Variants in TMTC2 observed in about 807,000 individuals in gnomAD.
TMTC2 encodes protein O-mannosyl-transferase TMTC2.
Under a neutral mutation model 82.4 loss-of-function variants are expected in TMTC2, and 43 were observed. The ratio of observed to expected loss-of-function variants is 0.52; its 90% CI spans 0.41 to 0.67. The LOEUF (loss-of-function observed/expected upper bound fraction) is 0.67. TMTC2 is among the 30% of genes least tolerant of loss of function. The probability of loss-of-function intolerance (pLI) is 0.00; values close to 1 mark genes in which losing one functional copy is unlikely to be tolerated. For synonymous variants in TMTC2, 408 were observed against 381.9 expected (o/e 1.07, Z -0.80); for missense variants, 919 against 1,012.4 (o/e 0.91, Z 1.25).
At chr12:82,761,716 G>A (rs1876643194) in intron 1 of TMTC2, among the ~76,000 whole-genome samples, 1 of 152,050 alleles carries the variant, frequency 6.6e-6, no homozygotes, top group African/African-American at 2.4e-5. Context: ...ATTAATGCTA[G>A]TGCTGTGTAC....
At chr12:83,055,755 T>C (rs1043525373) in intron 10 of TMTC2, among the ~76,000 whole-genome samples, 1 of 151,526 alleles carries the variant, frequency 6.6e-6, no homozygotes, top group East Asian at 1.9e-4. Flanking sequence ...TTTAATCTAC[T>C]TACAGGGTAA....
At chr12:82,778,586 A>C (rs986006892) in intron 1 of TMTC2, among the ~76,000 whole-genome samples, 4 of 152,062 alleles carry the variant, frequency 2.6e-5, no homozygotes, top group African/African-American at 9.7e-5. Flanking sequence ...GCAGTGGCTA[A>C]CGCCTGTAAT....
intron 7 of TMTC2, among the ~76,000 whole-genome samples, chr12:82,968,771 AG>A (rs1045898687): frequency 6.6e-6 from 1 of 152,172 alleles, no homozygotes; most frequent in African/African-American, 2.4e-5. Flanking sequence ...ACAGATGCTC[AG>A]CTCACACAGG....
rs578097161 is a variant in TMTC2, at chr12:82,690,278, A to T, written c.83+2609A>T. ...AAGATTCATGTTTAAAACATTGCTT[A>T]AACTAGACCTGTGGATTCTGCTGCC... is the stretch of plus-strand genomic sequence containing the variant. On this transcript the variant is annotated intron_variant, in intron 1 of 11. Transcript: ENST00000321196. The T allele has an allele frequency of 3.0e-4, 179 of 597,954 alleles. 2 individuals carry two copies. The highest frequency in any genetic ancestry group is 2.7e-3 in the Admixed American group (42 of 15,822). The allele number at this position is 597,954 out of a possible 1,614,324, so 37.0% of individuals were successfully genotyped here.
In TMTC2 at chr12:82,919,878, C is replaced by T. The variant is rs1003923421; in HGVS notation, c.1484-10553C>T. Among the ~76,000 whole-genome samples, 17 of 152,282 alleles carry T rather than the reference C, an allele frequency of 1.1e-4. No homozygotes were observed. In the East Asian group the frequency reaches 1.7e-3, roughly 16 times the overall value. ...CTTTGCTGGGCTCAGCCCACATTTC[C>T]GCTCTCTCAGACTGGCATCGTACAC... On this transcript the variant is annotated intron_variant, in intron 3 of 11. Coordinates refer to ENST00000321196, the MANE Select transcript of TMTC2 (RefSeq NM_152588.3).
intron 1 of TMTC2, among the ~76,000 whole-genome samples, chr12:82,766,823 G>A (rs1427313802): frequency 6.6e-6 from 1 of 151,662 alleles, no homozygotes; most frequent in African/African-American, 2.4e-5. Flanking sequence ...ACGGAGTCTC[G>A]CTCTGTCACC....
At chr12:82,719,085 A>ATATATATTTTT (rs1282211374) in intron 1 of TMTC2, among the ~76,000 whole-genome samples, 1 of 41,412 alleles carries the variant, frequency 2.4e-5, no homozygotes, top group African/African-American at 1.2e-4. Flanking sequence ...ATATATATAT[A>ATATATATTTTT]TTTTTTTTTT....
chr12:82,763,496 GAGA>G (rs1444291406), intron 1 of TMTC2, among the ~76,000 whole-genome samples: 5 of 152,148 alleles, frequency 3.3e-5, no homozygotes, highest in Admixed American at 6.5e-5. Context: ...TTGAAAACTT[GAGA>G]AAATGTTTCA....
At chr12:82,717,091 C>A (rs1246668482) in intron 1 of TMTC2, among the ~76,000 whole-genome samples, 1 of 152,116 alleles carries the variant, frequency 6.6e-6, no homozygotes, top group Non-Finnish European at 1.5e-5. Flanking sequence ...ATCACCTCTG[C>A]CTTTGTGTGC....
chr12:82,705,614 G>T (rs1260450182), intron 1 of TMTC2, among the ~76,000 whole-genome samples: 1 of 152,204 alleles, frequency 6.6e-6, no homozygotes, highest in Non-Finnish European at 1.5e-5. Flanking sequence ...TTTTAAATTA[G>T]GAAATCAGCT....
At chr12:82,924,058 A>G (rs1875558613) in intron 3 of TMTC2, among the ~76,000 whole-genome samples, 1 of 152,258 alleles carries the variant, frequency 6.6e-6, no homozygotes, top group South Asian at 2.1e-4. Context: ...TAAGGAAGAT[A>G]GGATTTGAGA....
At chr12:83,122,553 G>T (rs1884986486) in intron 11 of TMTC2, among the ~76,000 whole-genome samples, 1 of 152,088 alleles carries the variant, frequency 6.6e-6, no homozygotes, top group African/African-American at 2.4e-5. Flanking sequence ...CTCAGCTCCA[G>T]GCAAAGTCAC....
intron 1 of TMTC2, among the ~76,000 whole-genome samples, chr12:82,811,342 C>T (rs1245692457): frequency 6.6e-6 from 1 of 152,044 alleles, no homozygotes; most frequent in Non-Finnish European, 1.5e-5. Flanking sequence ...AGGCATTTTT[C>T]TAGTGATTGT....
intron 11 of TMTC2, among the ~76,000 whole-genome samples, chr12:83,127,602 C>A (rs1041622162): frequency 1.3e-5 from 2 of 152,150 alleles, no homozygotes; most frequent in Non-Finnish European, 2.9e-5. Flanking sequence ...GGATTCCCAA[C>A]CCTAAATCCC....
intron 1 of TMTC2, among the ~76,000 whole-genome samples, chr12:82,792,978 T>G (rs1878539111): frequency 6.6e-6 from 1 of 152,158 alleles, no homozygotes; most frequent in Non-Finnish European, 1.5e-5. Flanking sequence ...AATTAATACA[T>G]GTTGTCCAGG....
intron 8 of TMTC2, among the ~76,000 whole-genome samples, chr12:83,005,330 CAAAAAAAAAA>C (rs35332002): frequency 9.5e-6 from 1 of 105,710 alleles, no homozygotes; most frequent in African/African-American, 3.4e-5. Flanking sequence ...CTCTGGTCTC[CAAAAAAAAAA>C]AAAAAAAAAG....
rs143435962 is a variant in TMTC2 at position 82,879,079 on chromosome 12, C to G, written c.655-16739C>G. On this transcript the variant is annotated intron_variant, in intron 2 of 11. Transcript: ENST00000321196. Reference sequence around the variant, plus strand: ...TCCAATGTTCTGGATTTTATAGATACAAATTTTTGACCTCTTTGTCTCCTA... The same window carrying G: ...TCCAATGTTCTGGATTTTATAGATAGAAATTTTTGACCTCTTTGTCTCCTA... Among the ~76,000 whole-genome samples, 861 of 152,170 alleles carry G rather than the reference C, an allele frequency of 5.7e-3. 5 individuals carry two copies. The highest frequency in any genetic ancestry group is 0.029 in the South Asian group (138 of 4,814).
intron 7 of TMTC2, among the ~76,000 whole-genome samples, chr12:82,967,989 C>A (rs539333777): frequency 6.6e-6 from 1 of 152,082 alleles, no homozygotes; most frequent in Non-Finnish European, 1.5e-5. Flanking sequence ...AAACCTCTCC[C>A]AAACTACAAA....
Position 83,132,547 on chromosome 12 carries a change from T to C in TMTC2, c.*158T>C. 1 of 793,524 alleles carries C rather than the reference T, an allele frequency of 1.3e-6. No individual in the cohort carries two copies. 49.2% of individuals were successfully genotyped at this position (793,524 alleles called of 1,614,324 possible). On this transcript the variant is annotated 3_prime_UTR_variant, in exon 12 of 12. Transcript: ENST00000321196. ...CCGCTTCTGGAAGAATCCACTTTGC[T>C]GTAGGCACAGCTGTTAACACCAAAA...
Sources: allele counts gnomAD v4.1 joint callset (sites outside exome capture counted in the v4.1 genomes callset), GRCh38; gene constraint gnomAD v4.1.1; transcripts MANE v1.5; gene names NCBI Gene and HGNC (gene_info 2026-07-23, HGNC 2026-07-21).